Variants in TYR observed in about 807,000 individuals in gnomAD.
The protein encoded by TYR is LB24-AB.
Under a neutral mutation model 51.5 loss-of-function variants are expected in TYR, and 58 were observed. The ratio of observed to expected loss-of-function variants is 1.13; its 90% CI spans 0.91 to 1.40. The LOEUF is 1.40. TYR is among the 40% of genes most tolerant of loss of function. The probability of loss-of-function intolerance (pLI) is 0.00; values close to 1 mark genes in which losing one functional copy is unlikely to be tolerated. For missense variants in TYR, 732 were observed against 647.4 expected, an observed-to-expected ratio of 1.13 and a Z score of -1.42; for synonymous variants, 263 against 235.2, an observed-to-expected ratio of 1.12 and a Z score of -1.08.
intron 2 of TYR, among the ~76,000 whole-genome samples, chr11:89,206,045 A>G (rs1264056882): frequency 6.6e-6 from 1 of 152,158 alleles, no homozygotes; most frequent in Non-Finnish European, 1.5e-5. Flanking sequence ...AACTTGATAA[A>G]TAAAAATGGA....
At position 89,255,359 on chromosome 11, in the gene TYR, G is replaced by T. The variant is rs183272039; in HGVS notation, c.1184+27389G>T. On this transcript the variant is annotated intron_variant, in intron 3 of 4. Transcript: ENST00000263321. Reference sequence around the variant, plus strand: ...TTCTAGGGTATAGTTTAAATCCATTGTTTTTTCATTGACTTTCTGTCTTGA... The same window carrying T: ...TTCTAGGGTATAGTTTAAATCCATTTTTTTTTCATTGACTTTCTGTCTTGA... 1.9e-3 allele frequency among the ~76,000 whole-genome samples: 292 copies of T among 151,466 alleles called. 1 individual carries two copies. The highest frequency in any genetic ancestry group is 6.8e-3 in the African/African-American group (280 of 41,378).
intron 3 of TYR, among the ~76,000 whole-genome samples, chr11:89,239,359 T>A (rs1201628450): frequency 6.6e-6 from 1 of 152,128 alleles, no homozygotes; most frequent in African/African-American, 2.4e-5. Context: ...CCCAATTCGT[T>A]GTTCTTAGTA....
At chr11:89,198,402 G>T (rs1430856016) in intron 2 of TYR, among the ~76,000 whole-genome samples, 1 of 152,062 alleles carries the variant, frequency 6.6e-6, no homozygotes, top group Non-Finnish European at 1.5e-5. Flanking sequence ...CAGTAGTTTG[G>T]TGTACCCTGA....
rs1464099781 is a variant in TYR at position 89,178,211 on chromosome 11, T to C, written c.258T>C (p.Asn86=). 3 of 1,614,174 alleles carry C rather than the reference T, an allele frequency of 1.9e-6. No individual in the cohort carries two copies. The highest frequency in any genetic ancestry group is 2.5e-6 in the Non-Finnish European group (3 of 1,180,034). ...DRESWPSVFY[N]RTCQCSGNFM... ...AGTCGTGGCCTTCCGTCTTTTATAA[T>C]AGGACCTGCCAGTGCTCTGGCAACT... Residue 86 remains asparagine (N), a synonymous_variant, in exon 1 of 5, where the codon AAT becomes AAC. Coordinates refer to ENST00000263321, the MANE Select transcript of TYR (RefSeq NM_000372.5).
chr11:89,205,016 A>G (rs1943653016), intron 2 of TYR, among the ~76,000 whole-genome samples: 1 of 152,174 alleles, frequency 6.6e-6, no homozygotes. Flanking sequence ...AATAATTATA[A>G]ACATAGTTGA....
Position 89,178,116 on chromosome 11 carries a change from T to C in TYR, c.163T>C (p.Cys55Arg). The part of the protein sequence containing the change: ...PCGQLSGRGS[C>R]QNILLSNAPL... ...TGGCCAGCTTTCAGGCAGAGGTTCC[T>C]GTCAGAATATCCTTCTGTCCAATGC... The change falls in exon 1 of 5, where the codon TGT becomes CGT. Residue 55 changes from cysteine (C) to arginine (R), a missense_variant. By Grantham distance (180) the Cys-to-Arg change is radical. Transcript: ENST00000263321. 1 of 1,614,222 alleles carries C rather than the reference T, an allele frequency of 6.2e-7. No individual in the cohort carries two copies. The highest frequency in any genetic ancestry group is 1.1e-5 in the South Asian group (1 of 91,084).
intron 3 of TYR, among the ~76,000 whole-genome samples, chr11:89,244,076 T>A (rs181454679): frequency 6.6e-6 from 1 of 152,162 alleles, no homozygotes; most frequent in Non-Finnish European, 1.5e-5. Flanking sequence ...GCAACAGATA[T>A]GTACATTTTT....
intron 1 of TYR, among the ~76,000 whole-genome samples, chr11:89,183,217 A>C (rs1402483835): frequency 3.3e-5 from 5 of 152,038 alleles, no homozygotes; most frequent in Non-Finnish European, 1.5e-5. Context: ...TTCCTCATTA[A>C]TATATCTATT....
intron 3 of TYR, among the ~76,000 whole-genome samples, chr11:89,262,846 C>CTAA (rs1186728580): frequency 8.8e-5 from 3 of 34,216 alleles, no homozygotes; most frequent in Non-Finnish European, 1.4e-4. Context: ...AGCTACTCAT[C>CTAA]CAAAAAAAAA....
At chr11:89,230,177 A>G (rs1039108156) in intron 3 of TYR, among the ~76,000 whole-genome samples, 3 of 152,106 alleles carry the variant, frequency 2.0e-5, no homozygotes, top group Non-Finnish European at 2.9e-5. Context: ...TAATGGCATA[A>G]AAGAAGATTT....
intron 2 of TYR, among the ~76,000 whole-genome samples, chr11:89,199,960 A>T (rs1243514614): frequency 6.6e-6 from 1 of 152,252 alleles, no homozygotes; most frequent in Non-Finnish European, 1.5e-5. Flanking sequence ...AGAGTCAGGC[A>T]TTAAGACATA....
At chr11:89,228,350 A>C (rs1260040965) in intron 3 of TYR, among the ~76,000 whole-genome samples, 2 of 152,190 alleles carry the variant, frequency 1.3e-5, no homozygotes, top group East Asian at 1.9e-4. Context: ...CATTGGCTAC[A>C]GGATGCCCTG....
chr11:89,223,970 A>G (rs1000248047), intron 2 of TYR, among the ~76,000 whole-genome samples: 11 of 150,444 alleles, frequency 7.3e-5, no homozygotes, highest in Non-Finnish European at 2.9e-5. Flanking sequence ...TCAGGTCAGT[A>G]TAGTAGTGAG....
chr11:89,285,048 C>A, intron 4 of TYR, 94 bp downstream of exon 4: 1 of 1,060,470 alleles, frequency 9.4e-7, no homozygotes, highest in Non-Finnish European at 1.5e-6. Context: ...CAATGTTATT[C>A]CTGAACACTT....
In TYR at chr11:89,191,381, TA is replaced by T. The variant is rs1943443791; in HGVS notation, c.1002del (p.Ala335LeufsTer20). On this transcript the variant is annotated frameshift_variant, in exon 2 of 5. Transcript: ENST00000263321. LOFTEE classifies it high-confidence loss of function. ...LTQYESGSMD[K>X]AANFSFRNTL... ...CCCAATATGAATCTGGTTCCATGGA[TA>T]AAGCTGCCAATTTCAGCTTTAGAAA... The T allele has an allele frequency of 6.2e-7, 1 of 1,613,664 alleles. No individual in the cohort carries two copies. Among genetic ancestry groups the T allele is most frequent in the South Asian group, 1.1e-5 (1 of 91,090 alleles).
At chr11:89,204,829 A>C (rs1312685025) in intron 2 of TYR, among the ~76,000 whole-genome samples, 1 of 152,144 alleles carries the variant, frequency 6.6e-6, no homozygotes, top group Non-Finnish European at 1.5e-5. Context: ...TGAATTAAAA[A>C]AAAAAAAAAG....
At chr11:89,194,431 T>C (rs1943489285) in intron 2 of TYR, among the ~76,000 whole-genome samples, 1 of 152,296 alleles carries the variant, frequency 6.6e-6, no homozygotes, top group African/African-American at 2.4e-5. Context: ...CCAGATGTGG[T>C]CCAATTTTCC....
chr11:89,207,621 T>C lies in TYR; in HGVS notation c.1036+16203T>C, dbSNP rs1939257. ...CTGAGTCATTTTATAAATCCAGTAT[T>C]ACCTTAATATTGAAACCAGATAAAA... is the stretch of plus-strand genomic sequence containing the variant. On this transcript the variant is annotated intron_variant, in intron 2 of 4. Coordinates refer to ENST00000263321, the MANE Select transcript of TYR (RefSeq NM_000372.5). Among the ~76,000 whole-genome samples the C allele has an allele frequency of 1.5e-3, 225 of 152,314 alleles. 2 individuals are homozygous for C. The highest frequency in any genetic ancestry group is 5.3e-3 in the African/African-American group (219 of 41,568).
At chr11:89,238,538 G>C (rs999099376) in intron 3 of TYR, among the ~76,000 whole-genome samples, 13 of 152,046 alleles carry the variant, frequency 8.6e-5, no homozygotes, top group Non-Finnish European at 1.3e-4. Flanking sequence ...TGCAAACCGG[G>C]ACCATTTAAT....
Sources: gnomAD v4.1 joint callset for allele counts (sites outside exome capture counted in the v4.1 genomes callset) on GRCh38, gnomAD v4.1.1 for gene constraint, MANE v1.5 for transcripts, NCBI Gene and HGNC (gene_info 2026-07-23, HGNC 2026-07-21) for gene names.